The following NID2 variants were observed in gnomAD, a reference collection of about 807,000 sequenced individuals.
The protein encoded by NID2 is nidogen 2.
In NID2, 83 loss-of-function variants were observed where a neutral mutation model predicts 145.4. The ratio of observed to expected loss-of-function variants is 0.57; its 90% CI spans 0.48 to 0.69. The LOEUF (loss-of-function observed/expected upper bound fraction) is 0.69, where lower values mean the gene tolerates loss of function less well. NID2 is among the 30% of genes least tolerant of loss of function. The probability of loss-of-function intolerance (pLI) is 0.00; values close to 1 mark genes in which losing one functional copy is unlikely to be tolerated. For missense variants in NID2, 1,807 were observed against 1,765.7 expected (o/e 1.02, Z -0.42); for synonymous variants, 739 against 701.3 (o/e 1.05, Z -0.85).
chr14:52,034,517 A>C (rs2029980), intron 9 of NID2, among the ~76,000 whole-genome samples: 127,467 of 152,226 alleles, frequency 0.84, 54,431 homozygotes, highest in East Asian at 0.97. Flanking sequence ...ACAATCCAAT[A>C]TCTGGGCACC....
chr14:52,055,445 A>ATT (rs990172847), intron 3 of NID2, among the ~76,000 whole-genome samples: 15 of 152,244 alleles, frequency 9.9e-5, no homozygotes, highest in Non-Finnish European at 1.6e-4. Flanking sequence ...AACCTAAAAA[A>ATT]TTTGTTTTTG....
Position 52,067,229 on chromosome 14 carries a change from TACAGGATAATA to T in NID2, c.534+618_534+628del, listed in dbSNP as rs551973511. 2.2e-3 allele frequency among the ~76,000 whole-genome samples: 328 copies of T among 152,346 alleles called. 1 individual carries two copies. Among genetic ancestry groups the T allele is most frequent in the Middle Eastern group, 6.8e-3 (2 of 294 alleles). ...GCATACTGTGGTACACCCACTATTATACAGGATAATAGCAGGATACAGTAGTATGCATCATT... is the reference window on the plus strand; with the variant it reads ...GCATACTGTGGTACACCCACTATTATGCAGGATACAGTAGTATGCATCATT... On this transcript the variant is annotated intron_variant, in intron 2 of 21. Transcript: ENST00000216286.
intron 5 of NID2, among the ~76,000 whole-genome samples, chr14:52,051,335 C>T (rs1034229316): frequency 1.3e-5 from 2 of 152,180 alleles, no homozygotes; most frequent in Non-Finnish European, 2.9e-5. Context: ...TCAGTTCTTG[C>T]AAGTATATGA....
intron 5 of NID2, among the ~76,000 whole-genome samples, chr14:52,049,649 G>A (rs1313728268): frequency 1.3e-5 from 2 of 151,944 alleles, no homozygotes; most frequent in Non-Finnish European, 2.9e-5. Flanking sequence ...TGACAGACTA[G>A]TTAGAAAAAC....
At chr14:52,006,482 G>T (rs1461118073) in intron 20 of NID2, 55 bp downstream of exon 20, 1 of 1,605,572 alleles carries the variant, frequency 6.2e-7, no homozygotes, top group Admixed American at 1.7e-5. Flanking sequence ...AACAAGTGGT[G>T]TGTCCTCTGG....
At chr14:52,032,031 A>G (rs28699624) in intron 9 of NID2, among the ~76,000 whole-genome samples, 11,145 of 152,248 alleles carry the variant, frequency 0.073, 445 homozygotes, top group Middle Eastern at 0.14. Flanking sequence ...CAAGTCCTTC[A>G]GGGTGTCTGG....
At chr14:52,034,850 T>C (rs1465779450) in intron 9 of NID2, among the ~76,000 whole-genome samples, 3 of 152,222 alleles carry the variant, frequency 2.0e-5, no homozygotes, top group African/African-American at 7.2e-5. Context: ...AAACATGACC[T>C]GGTTTTCAGA....
At chr14:52,040,959 A>G in intron 7 of NID2, 108 bp from the exon 8 acceptor site, 2 of 942,046 alleles carry the variant, frequency 2.1e-6, no homozygotes, top group Admixed American at 3.8e-5. Flanking sequence ...GATCGTGCCT[A>G]AGGAGATTAT....
chr14:52,010,677 A>T (rs772832169), intron 18 of NID2, 199 bp downstream of exon 18: 1 of 540,464 alleles, frequency 1.9e-6, no homozygotes, highest in East Asian at 2.9e-5. Context: ...CTAATAAAAT[A>T]TAAGTGCCAT....
intron 12 of NID2, among the ~76,000 whole-genome samples, chr14:52,021,005 C>T (rs1891386161): frequency 6.7e-6 from 1 of 149,766 alleles, no homozygotes; most frequent in Non-Finnish European, 1.5e-5. Context: ...AGTCACCCAC[C>T]CCTCCCATCC....
intron 2 of NID2, 116 bp downstream of exon 2, chr14:52,067,742 A>T (rs1893270204): frequency 8.2e-7 from 1 of 1,220,022 alleles, no homozygotes; most frequent in Admixed American, 2.0e-5. Flanking sequence ...CTCCAAGGTC[A>T]GGTTCAGCGC....
At chr14:52,021,970 C>T (rs2073625) in intron 12 of NID2, among the ~76,000 whole-genome samples, 34,877 of 152,042 alleles carry the variant, frequency 0.23, 4,102 homozygotes, top group Non-Finnish European at 0.25. Context: ...AACATTCAGC[C>T]GAATGCAGGA....
chr14:52,026,153 C>G (rs772679261), intron 12 of NID2, among the ~76,000 whole-genome samples: 1 of 152,228 alleles, frequency 6.6e-6, no homozygotes, highest in Non-Finnish European at 1.5e-5. Flanking sequence ...GCTGTCCACT[C>G]AGCCCATCCT....
intron 9 of NID2, among the ~76,000 whole-genome samples, chr14:52,036,632 G>A (rs1287225509): frequency 1.3e-5 from 2 of 152,294 alleles, no homozygotes; most frequent in East Asian, 3.9e-4. Flanking sequence ...AGCAACGTAT[G>A]AGGGTTCCGA....
Position 52,007,883 on chromosome 14 carries a change from G to T in NID2, c.3807C>A (p.Ile1269=). The change falls in exon 19 of 22, where the codon ATC becomes ATA. Residue 1269 remains isoleucine (I), a synonymous_variant. Transcript: ENST00000216286. The part of the protein sequence containing the change: ...SLDGENRRIL[I]NTDIGLPNGL... Reference sequence around the variant, plus strand: ...CATTGGGCAATCCAATGTCTGTATTGATCAGAATTCTTCTGTTTTCTCCAT... The same window carrying T: ...CATTGGGCAATCCAATGTCTGTATTTATCAGAATTCTTCTGTTTTCTCCAT... 6.2e-7 allele frequency: 1 copy of T among 1,613,786 alleles called. No individual in the cohort carries two copies. Among genetic ancestry groups the T allele is most frequent in the South Asian group, 1.1e-5 (1 of 91,032 alleles).
Position 52,027,361 on chromosome 14 carries a change from A to G in NID2, c.2531-17T>C, listed in dbSNP as rs1891626716. On this transcript the variant is annotated splice_polypyrimidine_tract_variant and intron_variant, in intron 11 of 21. Coordinates refer to ENST00000216286, the MANE Select transcript of NID2 (RefSeq NM_007361.4). ...GGGTGATCACTGAAAAGAGAAGAAGATAAGGGCATCCAGAGTTTAGGCCTG... is the reference window on the plus strand; with the variant it reads ...GGGTGATCACTGAAAAGAGAAGAAGGTAAGGGCATCCAGAGTTTAGGCCTG... The G allele has an allele frequency of 1.3e-6, 2 of 1,513,746 alleles. No homozygotes were observed. The highest frequency in any genetic ancestry group is 2.6e-5 in the East Asian group (1 of 38,710). The allele number at this position is 1,513,746 out of a possible 1,614,324, so 93.8% of individuals were successfully genotyped here. A position where few individuals can be genotyped will look rare whatever the true frequency, so the allele number is the denominator to read the frequency against.
intron 2 of NID2, 32 bp from the exon 3 acceptor site, chr14:52,060,388 G>GAC: frequency 8.8e-7 from 1 of 1,142,048 alleles, no homozygotes; most frequent in Non-Finnish European, 1.2e-6. Context: ...AAGAGAGAGA[G>GAC]AGAGAGAGAA....
rs750495150 is a variant in NID2 at position 52,030,614 on chromosome 14, A to AAGAG, written c.2258-925_2258-924insCTCT. Among the ~76,000 whole-genome samples the AAGAG allele has an allele frequency of 1.2e-4, 16 of 134,544 alleles. 2 individuals carry two copies. Among genetic ancestry groups the AAGAG allele is most frequent in the Admixed American group, 4.0e-4 (5 of 12,476 alleles). The allele number at this position is 134,544 out of a possible 152,430, so 88.3% of individuals were successfully genotyped here. A position where few individuals can be genotyped will look rare whatever the true frequency, so the allele number is the denominator to read the frequency against. ...AGAAAGAAAGAAAGAAAGAGAAAGA[A>AAGAG]AAAGAAAGAAAGAGAAAGAAAGAGA... is the stretch of plus-strand genomic sequence containing the variant. On this transcript the variant is annotated intron_variant, in intron 9 of 21. Coordinates refer to ENST00000216286, the MANE Select transcript of NID2 (RefSeq NM_007361.4).
Position 52,018,063 on chromosome 14 carries a change from C to T in NID2, c.3028+998G>A, listed in dbSNP as rs537558280. The stretch of plus-strand genomic sequence containing the variant: ...CAATCTCTTGACCTCGTGATCCACC[C>T]GCCTCGGCCTCCCAAAGTGCTGGGA... On this transcript the variant is annotated intron_variant, in intron 14 of 21. Coordinates refer to ENST00000216286, the MANE Select transcript of NID2 (RefSeq NM_007361.4). Among the ~76,000 whole-genome samples the T allele has an allele frequency of 5.3e-5, 8 of 152,268 alleles. No homozygotes were observed. The East Asian group carries it at 5.8e-4, about 11-fold the overall frequency.
Sources: allele counts gnomAD v4.1 joint callset (sites outside exome capture counted in the v4.1 genomes callset), GRCh38; gene constraint gnomAD v4.1.1; transcripts MANE v1.5; gene names NCBI Gene and HGNC (gene_info 2026-07-23, HGNC 2026-07-21).